CDH12: variants seen among roughly 807,000 people sequenced by gnomAD.
The protein encoded by CDH12 is cadherin 12.
CDH12 carries 41 observed loss-of-function variants against 74.1 expected under a neutral mutation model. That is an observed-to-expected ratio of 0.55 (90% CI 0.43 to 0.72). The LOEUF is 0.72. CDH12 is among the 30% of genes least tolerant of loss of function. The pLI, the probability that CDH12 is intolerant of heterozygous loss-of-function variation, is 0.00. For missense variants in CDH12, 945 were observed against 977.2 expected, an observed-to-expected ratio of 0.97 and a Z score of 0.44; for synonymous variants, 399 against 355.0, an observed-to-expected ratio of 1.12 and a Z score of -1.39.
intron 5 of CDH12, among the ~76,000 whole-genome samples, chr5:21,976,143 T>C (rs1232459881): frequency 6.6e-6 from 1 of 152,196 alleles, no homozygotes; most frequent in East Asian, 1.9e-4. Context: ...GAATCACTGA[T>C]TATCCTTTCA....
intron 5 of CDH12, among the ~76,000 whole-genome samples, chr5:22,048,511 T>A (rs903778031): frequency 1.3e-5 from 2 of 152,188 alleles, no homozygotes; most frequent in African/African-American, 4.8e-5. Context: ...AAATATCTTT[T>A]TAGTTTAAAA....
chr5:22,334,579 G>C (rs1050455354), intron 3 of CDH12, among the ~76,000 whole-genome samples: 1 of 152,052 alleles, frequency 6.6e-6, no homozygotes, highest in African/African-American at 2.4e-5. Flanking sequence ...ACAACTGGAG[G>C]AATCACGTTA....
chr5:22,800,045 G>A (rs1748431715), intron 1 of CDH12, among the ~76,000 whole-genome samples: 2 of 152,184 alleles, frequency 1.3e-5, no homozygotes, highest in Admixed American at 6.6e-5. Context: ...TGCTAGGAAA[G>A]AGGTCTGGGG....
chr5:22,710,385 G>T (rs575659479), intron 1 of CDH12, among the ~76,000 whole-genome samples: 2 of 152,284 alleles, frequency 1.3e-5, no homozygotes, highest in East Asian at 3.9e-4. Flanking sequence ...CATGTGTGCT[G>T]TTCAGATTAT....
At chr5:22,497,638 C>CTTTT (rs747466944) in intron 2 of CDH12, among the ~76,000 whole-genome samples, 908 of 83,176 alleles carry the variant, frequency 0.011, 14 homozygotes, top group East Asian at 0.016. Flanking sequence ...TGTCGAATCT[C>CTTTT]TTTTTTTTTT....
At chr5:21,803,147 T>TA (rs1363883111) in intron 9 of CDH12, among the ~76,000 whole-genome samples, 1 of 152,192 alleles carries the variant, frequency 6.6e-6, no homozygotes, top group Non-Finnish European at 1.5e-5. Context: ...TCATTGAAGA[T>TA]ACTCTAGATT....
intron 2 of CDH12, among the ~76,000 whole-genome samples, chr5:22,419,676 T>G (rs897681922): frequency 3.3e-5 from 5 of 152,196 alleles, no homozygotes; most frequent in African/African-American, 9.7e-5. Context: ...AGTGATGGGA[T>G]TGCTGAGTTA....
chr5:22,063,264 G>A (rs1219303592), intron 5 of CDH12, among the ~76,000 whole-genome samples: 1 of 151,882 alleles, frequency 6.6e-6, no homozygotes, highest in Non-Finnish European at 1.5e-5. Flanking sequence ...CCACTGCCTT[G>A]ACCTCATATA....
At chr5:22,678,145 C>T (rs1741311336) in intron 1 of CDH12, among the ~76,000 whole-genome samples, 1 of 151,630 alleles carries the variant, frequency 6.6e-6, no homozygotes, top group Non-Finnish European at 1.5e-5. Flanking sequence ...GGTATTTTGA[C>T]TGAATCTTGA....
rs577499105 is a variant in CDH12, at chr5:22,539,686, G to T, written c.-522-34322C>A. Among the ~76,000 whole-genome samples the T allele has an allele frequency of 2.0e-4, 30 of 152,280 alleles. No homozygotes were observed. In the South Asian group the frequency reaches 4.3e-3, roughly 22 times the overall value. ...GAGGTGGTGCTAAAATCCAATTCCA[G>T]AAAAGTTTGTTAATTTGTCCTTGAG... On this transcript the variant is annotated intron_variant, in intron 1 of 14. Transcript: ENST00000382254.
intron 1 of CDH12, among the ~76,000 whole-genome samples, chr5:22,594,137 T>C (rs1249615928): frequency 6.6e-6 from 1 of 152,136 alleles, no homozygotes; most frequent in Non-Finnish European, 1.5e-5. Context: ...AACAGATCCC[T>C]GTTATATTCT....
At chr5:22,291,260 T>C (rs1436020471) in intron 3 of CDH12, among the ~76,000 whole-genome samples, 2 of 152,114 alleles carry the variant, frequency 1.3e-5, no homozygotes, top group Admixed American at 1.3e-4. Flanking sequence ...ACAGCTAATA[T>C]CATACTCAAC....
chr5:21,915,263 A>C (rs572149488), intron 6 of CDH12, among the ~76,000 whole-genome samples: 1 of 152,154 alleles, frequency 6.6e-6, no homozygotes, highest in Non-Finnish European at 1.5e-5. Flanking sequence ...TTTACATTAA[A>C]ATTGAGAAAT....
chr5:22,373,689 C>A (rs2920763), intron 3 of CDH12, among the ~76,000 whole-genome samples: 128,385 of 152,198 alleles, frequency 0.84, 54,221 homozygotes, highest in African/African-American at 0.87. Context: ...TGCTGTTTAC[C>A]GCCAAAGAAA....
At chr5:21,987,196 TAAAATC>T (rs2150132158) in intron 5 of CDH12, among the ~76,000 whole-genome samples, 1 of 152,218 alleles carries the variant, frequency 6.6e-6, no homozygotes, top group Admixed American at 6.5e-5. Flanking sequence ...TCTGGCTACA[TAAAATC>T]AAATCAATTA....
At chr5:22,340,759 T>C (rs1054383897) in intron 3 of CDH12, among the ~76,000 whole-genome samples, 4 of 152,228 alleles carry the variant, frequency 2.6e-5, no homozygotes, top group Non-Finnish European at 5.9e-5. Context: ...ACTTTTACTA[T>C]CATGGATGGT....
chr5:21,814,973 T>G (rs1747963707), intron 9 of CDH12, among the ~76,000 whole-genome samples: 1 of 152,016 alleles, frequency 6.6e-6, no homozygotes, highest in African/African-American at 2.4e-5. Context: ...GAATTTGACA[T>G]ATTTTTCTAA....
rs531071218 is a variant in CDH12 at position 22,126,364 on chromosome 5, T to C, written c.-186-47502A>G. Among the ~76,000 whole-genome samples the C allele has an allele frequency of 6.6e-5, 10 of 152,262 alleles. No homozygotes were observed. The East Asian group carries it at 1.9e-3, about 29-fold the overall frequency. Reference sequence around the variant, plus strand: ...CTCTGCTATGCGGCTCACTTTCTGCTATTAGATATTATGAGGCACTAAGAA... The same window carrying C: ...CTCTGCTATGCGGCTCACTTTCTGCCATTAGATATTATGAGGCACTAAGAA... On this transcript the variant is annotated intron_variant, in intron 4 of 14. Coordinates refer to ENST00000382254, the MANE Select transcript of CDH12 (RefSeq NM_004061.5).
At chr5:22,692,894 T>G (rs914200118) in intron 1 of CDH12, among the ~76,000 whole-genome samples, 1 of 152,196 alleles carries the variant, frequency 6.6e-6, no homozygotes, top group South Asian at 2.1e-4. Flanking sequence ...ATTCTCATGA[T>G]GAACAAACAG....
Sources: gnomAD v4.1 joint callset for allele counts (sites outside exome capture counted in the v4.1 genomes callset) on GRCh38, gnomAD v4.1.1 for gene constraint, MANE v1.5 for transcripts, NCBI Gene and HGNC (gene_info 2026-07-23, HGNC 2026-07-21) for gene names.